BSN: variants seen among roughly 807,000 people sequenced by gnomAD.
The protein encoded by BSN is bassoon presynaptic cytomatrix protein, also known as protein bassoon.
Under a neutral mutation model 264.8 loss-of-function variants are expected in BSN, and 57 were observed. That is an observed-to-expected ratio of 0.22 (90% CI 0.17 to 0.27). The LOEUF (loss-of-function observed/expected upper bound fraction) is 0.27. Ranked by LOEUF, BSN falls within the 10% of genes least tolerant of loss-of-function variation. The pLI, the probability that BSN is intolerant of heterozygous loss-of-function variation, is 1.00. For missense variants in BSN, 4,615 were observed against 5,232.5 expected (o/e 0.88, Z 3.64); for synonymous variants, 2,059 against 2,137.3 (o/e 0.96, Z 1.01).
chr3:49,643,152 G>T lies in BSN; in HGVS notation c.1518G>T (p.Glu506Asp). 6.2e-7 allele frequency: 1 copy of T among 1,605,686 alleles called. No homozygotes were observed. The highest frequency in any genetic ancestry group is 8.5e-7 in the Non-Finnish European group (1 of 1,174,532). Residue 506 changes from glutamate to aspartate, a missense_variant and splice_region_variant, in exon 3 of 12, where the codon GAG becomes GAT. By Grantham distance (45) the Glu-to-Asp change is conservative. Transcript: ENST00000296452. ...TCAACCCAACACCCCACCTGGTGGA[G>T]GTAAGAGCTGGACCAAGCATGCTCC... ...CGFNPTPHLVEKTEWLCLNCQ... is the reference protein window; with the variant it reads ...CGFNPTPHLVDKTEWLCLNCQ...
intron 1 of BSN, among the ~76,000 whole-genome samples, chr3:49,563,659 G>T (rs1182730595): frequency 6.6e-6 from 1 of 152,212 alleles, no homozygotes; most frequent in Non-Finnish European, 1.5e-5. Flanking sequence ...GGTATGTGAG[G>T]CTGCTTCCTT....
chr3:49,574,824 G>A (rs2051829882), intron 1 of BSN, among the ~76,000 whole-genome samples: 3 of 151,648 alleles, frequency 2.0e-5, no homozygotes, highest in South Asian at 4.2e-4. Context: ...TTTAAGTAGA[G>A]ATGGGGTTTC....
chr3:49,642,415 C>G lies in BSN; in HGVS notation c.781C>G (p.Pro261Ala). ...CCCGGCCAAACAGCCCCTGGGGAAG[C>G]CAGACCAAGAGAGATCTCGGGGCCC... is the stretch of plus-strand genomic sequence containing the variant. ...HSPAKQPLGKPDQERSRGPGG... is the reference protein window; with the variant it reads ...HSPAKQPLGKADQERSRGPGG... The change falls in exon 3 of 12, where the codon CCA becomes GCA. Residue 261 changes from proline to alanine, a missense_variant. Pro to Ala is a conservative substitution (Grantham distance 27). This residue lies in a region of BSN where 1,197 missense variants were observed against 1,348.0 expected (regional missense o/e 0.89). Coordinates refer to ENST00000296452, the MANE Select transcript of BSN (RefSeq NM_003458.4). The surrounding 1 kb of genome is among the most constrained non-coding windows in gnomAD (Gnocchi z 7.0). 5 of 1,601,486 alleles carry G rather than the reference C, an allele frequency of 3.1e-6. No individual in the cohort carries two copies. The highest frequency in any genetic ancestry group is 4.3e-6 in the Non-Finnish European group (5 of 1,174,142).
chr3:49,580,233 A>G (rs1380713640), intron 1 of BSN, among the ~76,000 whole-genome samples: 1 of 151,948 alleles, frequency 6.6e-6, no homozygotes, highest in Non-Finnish European at 1.5e-5. Flanking sequence ...GGCATGTGCC[A>G]CCACATCCAA....
intron 2 of BSN, among the ~76,000 whole-genome samples, chr3:49,633,098 AGAGTTT>A (rs1385963111): frequency 6.6e-6 from 1 of 151,962 alleles, no homozygotes; most frequent in Non-Finnish European, 1.5e-5. Context: ...CCTGAGGTCA[AGAGTTT>A]GAGACTGGCC....
rs1321687722 is a variant in BSN at position 49,650,698 on chromosome 3, C to T, written c.1605C>T (p.Thr535=). 1 of 1,611,972 alleles carries T rather than the reference C, an allele frequency of 6.2e-7. No homozygotes were observed. Among genetic ancestry groups the T allele is most frequent in the Non-Finnish European group, 8.5e-7 (1 of 1,179,486 alleles). ...LGEPTPLPPP[T]SQQPPVGAPH... is the part of the protein sequence containing the mutation. ...AGCCGACCCCCCTGCCGCCGCCCAC[C>T]TCACAGCAGCCCCCTGTAGGGGCCC... The change falls in exon 4 of 12, where the codon ACC becomes ACT. Residue 535 remains threonine (T), a synonymous_variant. Transcript: ENST00000296452.
intron 1 of BSN, among the ~76,000 whole-genome samples, chr3:49,575,411 A>AAT (rs967969133): frequency 5.4e-5 from 8 of 147,102 alleles, no homozygotes; most frequent in African/African-American, 9.9e-5. Flanking sequence ...TATATATGTA[A>AAT]ATATATATAT....
intron 2 of BSN, among the ~76,000 whole-genome samples, chr3:49,627,943 C>T (rs577081351): frequency 6.6e-6 from 1 of 152,290 alleles, no homozygotes; most frequent in East Asian, 1.9e-4. Flanking sequence ...GGTAGTATGC[C>T]TGGAGCTGCT....
At chr3:49,633,557 T>A (rs1447531058) in intron 2 of BSN, among the ~76,000 whole-genome samples, 1 of 152,118 alleles carries the variant, frequency 6.6e-6, no homozygotes, top group African/African-American at 2.4e-5. Context: ...TACCATATGA[T>A]CCAACAATTC....
At position 49,661,661 on chromosome 3, in the gene BSN, A is replaced by G. The variant is rs761586446; in HGVS notation, c.9816A>G (p.Pro3272=). The G allele has an allele frequency of 6.2e-7, 1 of 1,613,718 alleles. No homozygotes were observed. Among genetic ancestry groups the G allele is most frequent in the Non-Finnish European group, 8.5e-7 (1 of 1,180,036 alleles). The change falls in exon 6 of 12, where the codon CCA becomes CCG. Residue 3272 remains proline, a synonymous_variant. Coordinates refer to ENST00000296452, the MANE Select transcript of BSN (RefSeq NM_003458.4). ...SGRPGKEPGE[P]GVLDGPTLPC... is the part of the protein sequence containing the mutation. ...GTCCAGGGAAGGAGCCTGGAGAACC[A>G]GGTGTCCTTGACGGGCCCACACTGC... is the stretch of plus-strand genomic sequence containing the variant.
chr3:49,604,541 A>G (rs184502780), intron 1 of BSN, among the ~76,000 whole-genome samples: 3 of 152,292 alleles, frequency 2.0e-5, no homozygotes, highest in Admixed American at 2.0e-4. Context: ...CATGTATCAG[A>G]ATTTCCTTCC....
intron 1 of BSN, among the ~76,000 whole-genome samples, chr3:49,565,283 C>T (rs1297127198): frequency 6.9e-6 from 1 of 145,802 alleles, no homozygotes; most frequent in African/African-American, 2.5e-5. Context: ...GTAGCTGGGA[C>T]TACAGGCACC....
chr3:49,592,122 A>T (rs13060891), intron 1 of BSN, among the ~76,000 whole-genome samples: 251 of 150,730 alleles, frequency 1.7e-3, no homozygotes, highest in Non-Finnish European at 2.2e-3. Flanking sequence ...TTATTTATTT[A>T]TTTTTTTGAG....
chr3:49,636,960 G>T (rs547469158), intron 2 of BSN, among the ~76,000 whole-genome samples: 1 of 152,326 alleles, frequency 6.6e-6, no homozygotes, highest in Non-Finnish European at 1.5e-5. Flanking sequence ...TCCTCCTGAT[G>T]AGACCTGGCC....
intron 1 of BSN, among the ~76,000 whole-genome samples, chr3:49,611,412 G>A (rs552741305): frequency 2.6e-5 from 4 of 152,266 alleles, no homozygotes; most frequent in South Asian, 2.1e-4. Flanking sequence ...TGTATCATGC[G>A]GGGTCCTAAT....
At chr3:49,562,208 G>A (rs2051716811) in intron 1 of BSN, among the ~76,000 whole-genome samples, 1 of 152,136 alleles carries the variant, frequency 6.6e-6, no homozygotes, top group Non-Finnish European at 1.5e-5. Flanking sequence ...TTGTGTATGG[G>A]AGTGTTTGTG....
chr3:49,605,626 A>T (rs1359236870), intron 1 of BSN, among the ~76,000 whole-genome samples: 1 of 29,324 alleles, frequency 3.4e-5, no homozygotes, highest in Non-Finnish European at 5.6e-5. Context: ...TATAAATATA[A>T]TATATATTAC....
In BSN at chr3:49,658,281, G is replaced by A; in HGVS notation, c.8640+85G>A. ...CCCACAGGGAGGGGCTTCTTCTGGG[G>A]TGGGAGTAGAGGCATCTCTGGCCCC... On this transcript the variant is annotated intron_variant, in intron 5 of 11. Transcript: ENST00000296452. 3 of 1,445,080 alleles carry A rather than the reference G, an allele frequency of 2.1e-6. No homozygotes were observed. The South Asian group carries it at 4.4e-5, about 21-fold the overall frequency. 89.5% of individuals were successfully genotyped at this position (1,445,080 alleles called of 1,614,324 possible).
At chr3:49,579,738 T>C (rs116001087) in intron 1 of BSN, among the ~76,000 whole-genome samples, 1,757 of 150,166 alleles carry the variant, frequency 0.012, 29 homozygotes, top group African/African-American at 0.041. Flanking sequence ...CTTTAAAAAA[T>C]TGAAATTCCT....
Sources: gnomAD v4.1 joint callset for allele counts (sites outside exome capture counted in the v4.1 genomes callset) on GRCh38, gnomAD v4.1.1 for gene constraint, gnomAD v4.1.1 regional missense constraint, Gnocchi (gnomAD v3.1) non-coding constraint, MANE v1.5 for transcripts, NCBI Gene and HGNC (gene_info 2026-07-23, HGNC 2026-07-21) for gene names.